Variants in AGBL1 observed in about 807,000 individuals in gnomAD.
AGBL1 encodes cytosolic carboxypeptidase 4.
In AGBL1, 130 loss-of-function variants were observed where a neutral mutation model predicts 118.9. The observed-to-expected ratio is 1.09, with a 90% CI of 0.95 to 1.26. The LOEUF (loss-of-function observed/expected upper bound fraction) is 1.26, where lower values mean the gene tolerates loss of function less well. Ranked by LOEUF, AGBL1 falls within the 50% of genes most tolerant of loss-of-function variation. The pLI is 0.00. For synonymous variants in AGBL1, 555 were observed against 478.9 expected (o/e 1.16, Z -2.08); for missense variants, 1,584 against 1,298.1 (o/e 1.22, Z -3.38).
chr15:86,895,842 T>G (rs1440820948), intron 22 of AGBL1, among the ~76,000 whole-genome samples: 2 of 152,112 alleles, frequency 1.3e-5, no homozygotes, highest in Non-Finnish European at 2.9e-5. Context: ...TTCTAAGATT[T>G]GCCCTGCTTT....
intron 1 of AGBL1, among the ~76,000 whole-genome samples, chr15:86,085,391 C>T (rs748979260): frequency 1.3e-5 from 2 of 152,102 alleles, no homozygotes; most frequent in Non-Finnish European, 2.9e-5. Context: ...GGAAGTTTGG[C>T]CAAATGCTGG....
intron 22 of AGBL1, among the ~76,000 whole-genome samples, chr15:86,844,587 A>T (rs182337466): frequency 1.8e-3 from 273 of 152,254 alleles, no homozygotes; most frequent in Admixed American, 3.0e-3. Flanking sequence ...AGTTGTGAGA[A>T]TTCTTTATAT....
At chr15:86,943,472 C>G (rs2080779341) in intron 23 of AGBL1, among the ~76,000 whole-genome samples, 1 of 152,198 alleles carries the variant, frequency 6.6e-6, no homozygotes, top group Non-Finnish European at 1.5e-5. Context: ...ACAAAATACA[C>G]AGGGTTTTAC....
intron 24 of AGBL1, among the ~76,000 whole-genome samples, chr15:86,989,087 G>C (rs1022898856): frequency 3.5e-5 from 5 of 141,530 alleles, no homozygotes; most frequent in South Asian, 2.3e-4. Flanking sequence ...CTGCAGCTTT[G>C]ATCCTCCTGC....
chr15:86,298,314 TA>T (rs1357280026), intron 17 of AGBL1, among the ~76,000 whole-genome samples: 6 of 114,354 alleles, frequency 5.2e-5, no homozygotes, highest in African/African-American at 1.3e-4. Flanking sequence ...TATATATATA[TA>T]GGTAACTATA....
Position 86,782,574 on chromosome 15 carries a change from GAC to G in AGBL1, c.3158+108142_3158+108143del, listed in dbSNP as rs564350296. Reference sequence around the variant, plus strand: ...AAAGATATGATGAGACTGGTGGTTAGACACAAAAATATGAGTGAAACTAATCT... The same window carrying G: ...AAAGATATGATGAGACTGGTGGTTAGACAAAAATATGAGTGAAACTAATCT... On this transcript the variant is annotated intron_variant, in intron 22 of 22. Transcript: ENST00000614907. Among the ~76,000 whole-genome samples the G allele has an allele frequency of 6.0e-3, 919 of 152,248 alleles. 1 individual carries two copies. Among genetic ancestry groups the G allele is most frequent in the Admixed American group, 9.3e-3 (142 of 15,298 alleles).
At chr15:86,764,280 C>T (rs1009331828) in intron 22 of AGBL1, among the ~76,000 whole-genome samples, 7 of 151,846 alleles carry the variant, frequency 4.6e-5, no homozygotes, top group African/African-American at 9.7e-5. Context: ...AGCTAAGTAC[C>T]GGGTGATACA....
At chr15:86,161,981 T>C (rs2077272718) in intron 5 of AGBL1, among the ~76,000 whole-genome samples, 1 of 152,228 alleles carries the variant, frequency 6.6e-6, no homozygotes, top group African/African-American at 2.4e-5. Flanking sequence ...GCTATGACAT[T>C]GTTAATCATT....
intron 21 of AGBL1, among the ~76,000 whole-genome samples, chr15:86,670,463 G>A (rs2085720958): frequency 6.6e-6 from 1 of 151,822 alleles, no homozygotes; most frequent in African/African-American, 2.4e-5. Flanking sequence ...AATTAGCTGG[G>A]TGTGGTGGCA....
intron 21 of AGBL1, among the ~76,000 whole-genome samples, chr15:86,566,723 A>G (rs2083921883): frequency 6.6e-6 from 1 of 152,160 alleles, no homozygotes; most frequent in South Asian, 2.1e-4. Flanking sequence ...AGACACACAC[A>G]CACACAGATT....
chr15:86,436,186 G>T (rs541173095), intron 18 of AGBL1, among the ~76,000 whole-genome samples: 12 of 149,728 alleles, frequency 8.0e-5, no homozygotes, highest in Admixed American at 4.0e-4. Context: ...GCTCTCTGTG[G>T]TGGTGGAGAA....
chr15:86,256,743 A>T, intron 7 of AGBL1, 110 bp from the exon 8 acceptor site: 1 of 1,098,432 alleles, frequency 9.1e-7, no homozygotes, highest in African/African-American at 1.6e-5. Flanking sequence ...TAGCTGAAAC[A>T]CAGCTAGGAG....
downstream of AGBL1, among the ~76,000 whole-genome samples, chr15:86,919,736 G>A (rs555428324): frequency 6.6e-6 from 1 of 152,182 alleles, no homozygotes; most frequent in East Asian, 1.9e-4. Context: ...AAATAGAAGC[G>A]ACTGCGGCAA....
chr15:86,635,312 T>TCCTCC (rs1209979769), intron 21 of AGBL1, among the ~76,000 whole-genome samples: 2 of 3,548 alleles, frequency 5.6e-4, no homozygotes, highest in East Asian at 0.062. Flanking sequence ...CTCCTCCTCC[T>TCCTCC]CCTCCTCCTC....
chr15:86,545,406 T>G (rs2083565947), intron 19 of AGBL1, among the ~76,000 whole-genome samples: 1 of 152,152 alleles, frequency 6.6e-6, no homozygotes. Context: ...TTTTAATTTT[T>G]TTTAACCTTC....
intron 1 of AGBL1, among the ~76,000 whole-genome samples, chr15:86,092,920 G>T (rs1220107601): frequency 6.6e-6 from 1 of 152,102 alleles, no homozygotes; most frequent in Admixed American, 6.6e-5. Context: ...ATCTCTTATA[G>T]GTTCTATCCC....
intron 17 of AGBL1, among the ~76,000 whole-genome samples, chr15:86,310,424 G>T (rs1193419535): frequency 6.6e-6 from 1 of 151,968 alleles, no homozygotes; most frequent in African/African-American, 2.4e-5. Flanking sequence ...TGATCCACAG[G>T]CAGGCTTCCT....
intron 22 of AGBL1, among the ~76,000 whole-genome samples, chr15:86,721,334 A>G (rs1285136311): frequency 1.3e-5 from 2 of 152,204 alleles, no homozygotes; most frequent in African/African-American, 2.4e-5. Context: ...GGGATGCAAG[A>G]CTGGTTCAAC....
chr15:86,750,814 C>T (rs1192844908), intron 22 of AGBL1, among the ~76,000 whole-genome samples: 2 of 149,142 alleles, frequency 1.3e-5, no homozygotes, highest in African/African-American at 4.9e-5. Flanking sequence ...TGATAGGCCC[C>T]AGCGTGTGTG....
Sources: allele counts gnomAD v4.1 joint callset (sites outside exome capture counted in the v4.1 genomes callset), GRCh38; gene constraint gnomAD v4.1.1; transcripts MANE v1.5; gene names NCBI Gene and HGNC (gene_info 2026-07-23, HGNC 2026-07-21).